Variants in CDH13 observed in about 807,000 individuals in gnomAD.
The protein encoded by CDH13 is cadherin-13.
CDH13 carries 24 observed loss-of-function variants against 63.8 expected under a neutral mutation model. That is an observed-to-expected ratio of 0.38 (90% CI 0.27 to 0.53). The LOEUF is 0.53. Ranked by LOEUF, CDH13 falls within the 20% of genes least tolerant of loss-of-function variation. The pLI, the probability that CDH13 is intolerant of heterozygous loss-of-function variation, is 0.85. For synonymous variants in CDH13, 503 were observed against 355.3 expected, an observed-to-expected ratio of 1.42 and a Z score of -4.67; for missense variants, 1,049 against 903.1, an observed-to-expected ratio of 1.16 and a Z score of -2.07.
chr16:83,031,519 G>T lies in CDH13; in HGVS notation c.158-491G>T, dbSNP rs186360429. On this transcript the variant is annotated intron_variant, in intron 2 of 13. Coordinates refer to ENST00000567109, the MANE Select transcript of CDH13 (RefSeq NM_001257.5). ...AATTCTCATTCCCTGAATCTGTTTT[G>T]CTATTTAGCCCTCATCCCTGTGCCT... 4.6e-5 allele frequency among the ~76,000 whole-genome samples: 7 copies of T among 151,234 alleles called. No homozygotes were observed. In the East Asian group the frequency reaches 1.4e-3, roughly 30 times the overall value.
In CDH13 at chr16:83,484,660, C is replaced by T. The variant is rs189158363; in HGVS notation, c.782-1817C>T. ...CGATGACCATGCCAAATCCCAATCC[C>T]CTCTCTTCTTCTCCAGATTTAACCA... is the stretch of plus-strand genomic sequence containing the variant. On this transcript the variant is annotated intron_variant, in intron 6 of 13. Transcript: ENST00000567109. 3.3e-5 allele frequency among the ~76,000 whole-genome samples: 5 copies of T among 152,284 alleles called. No individual in the cohort carries two copies. In the East Asian group the frequency reaches 9.7e-4, roughly 29 times the overall value.
intron 1 of CDH13, among the ~76,000 whole-genome samples, chr16:82,712,907 G>T (rs2032062891): frequency 6.6e-6 from 1 of 152,090 alleles, no homozygotes; most frequent in African/African-American, 2.4e-5. Flanking sequence ...ATGTGGATCA[G>T]TGATTACTTG....
intron 3 of CDH13, among the ~76,000 whole-genome samples, chr16:83,067,914 G>A (rs1190245333): frequency 1.3e-5 from 2 of 152,048 alleles, no homozygotes; most frequent in Non-Finnish European, 2.9e-5. Context: ...CAAAAAGTTT[G>A]AAGGAGGACC....
intron 8 of CDH13, chr16:83,654,826 C>G (rs554228851): frequency 3.9e-5 from 6 of 152,338 alleles, no homozygotes; most frequent in Non-Finnish European, 7.3e-5. Flanking sequence ...CCCACCAACC[C>G]TATGACTCTG....
At chr16:83,037,602 C>T (rs992963287) in intron 3 of CDH13, among the ~76,000 whole-genome samples, 2 of 152,076 alleles carry the variant, frequency 1.3e-5, no homozygotes, top group Non-Finnish European at 2.9e-5. Flanking sequence ...TAGGGAAAGA[C>T]GTCTAGTCAG....
rs1226247689 is a variant in CDH13 at position 83,796,138 on chromosome 16, T to C, written c.*1108T>C. ...ACCCGAAAATAAAAGACGTTCATTA[T>C]GTATGAAAAGTAACTGATTTGTATT... is the stretch of plus-strand genomic sequence containing the variant. On this transcript the variant is annotated 3_prime_UTR_variant, in exon 14 of 14. Transcript: ENST00000567109. 2.0e-5 allele frequency: 3 copies of C among 152,678 alleles called. No individual in the cohort carries two copies. The highest frequency in any genetic ancestry group is 2.1e-4 in the South Asian group (1 of 4,838). 9.5% of individuals were successfully genotyped at this position (152,678 alleles called of 1,614,324 possible).
chr16:83,096,238 G>C lies in CDH13; in HGVS notation c.367-29147G>C, dbSNP rs114185682. On this transcript the variant is annotated intron_variant, in intron 3 of 13. Transcript: ENST00000567109. ...GTAAAAGTTAATCATCAGGTCTCAG[G>C]AGTTCAGCAACCGACCATCATGAGC... Among the ~76,000 whole-genome samples the C allele has an allele frequency of 3.5e-3, 529 of 152,268 alleles. 6 individuals carry two copies. The highest frequency in any genetic ancestry group is 0.012 in the African/African-American group (496 of 41,558).
chr16:83,471,356 C>A (rs2073448252), intron 6 of CDH13, among the ~76,000 whole-genome samples: 1 of 146,052 alleles, frequency 6.8e-6, no homozygotes, highest in East Asian at 2.1e-4. Flanking sequence ...CTCACTGCAA[C>A]CTCCACCCTC....
intron 3 of CDH13, among the ~76,000 whole-genome samples, chr16:83,074,889 C>T (rs1439732285): frequency 6.6e-6 from 1 of 152,102 alleles, no homozygotes; most frequent in Non-Finnish European, 1.5e-5. Context: ...AGACAAACAG[C>T]AAAAAAGAGA....
chr16:83,146,702 A>C (rs2036765523), intron 4 of CDH13, among the ~76,000 whole-genome samples: 4 of 152,230 alleles, frequency 2.6e-5, no homozygotes, highest in Admixed American at 2.0e-4. Flanking sequence ...AATACCAATA[A>C]TTCAAGCACA....
intron 1 of CDH13, among the ~76,000 whole-genome samples, chr16:82,816,809 GCGGGGGGT>G (rs2037737926): frequency 8.6e-6 from 1 of 116,528 alleles, no homozygotes; most frequent in African/African-American, 3.5e-5. Flanking sequence ...ACTTCGGGGG[GCGGGGGGT>G]GGGGGGGAAT....
chr16:83,004,575 GC>G (rs1408606559), intron 2 of CDH13, among the ~76,000 whole-genome samples: 1 of 152,052 alleles, frequency 6.6e-6, no homozygotes, highest in Non-Finnish European at 1.5e-5. Flanking sequence ...TGTGCTCACT[GC>G]AACGTGTGCC....
intron 2 of CDH13, among the ~76,000 whole-genome samples, chr16:82,971,263 C>T (rs1303896400): frequency 2.0e-5 from 3 of 152,296 alleles, no homozygotes; most frequent in South Asian, 4.1e-4. Flanking sequence ...TGATAACAGC[C>T]GTTTTGTTGG....
intron 7 of CDH13, among the ~76,000 whole-genome samples, chr16:83,567,230 A>G (rs533586609): frequency 1.4e-4 from 21 of 152,280 alleles, no homozygotes; most frequent in African/African-American, 4.8e-4. Context: ...CTCTAAAACC[A>G]TTGACTTCTT....
chr16:83,570,946 C>CATATAT lies in CDH13; in HGVS notation c.961-31488_961-31483dup, dbSNP rs57586630. On this transcript the variant is annotated intron_variant, in intron 7 of 13. Coordinates refer to ENST00000567109, the MANE Select transcript of CDH13 (RefSeq NM_001257.5). ...TACATTCATATATTTATAACTCATC[C>CATATAT]ATATATATATATATATATATATATA... Among the ~76,000 whole-genome samples, 219 of 110,058 alleles carry CATATAT rather than the reference C, an allele frequency of 2.0e-3. 2 individuals carry two copies. The highest frequency in any genetic ancestry group is 4.7e-3 in the Middle Eastern group (1 of 212). 72.2% of individuals were successfully genotyped at this position (110,058 alleles called of 152,430 possible).
chr16:83,583,692 G>A (rs982822067), intron 7 of CDH13, among the ~76,000 whole-genome samples: 1 of 151,086 alleles, frequency 6.6e-6, no homozygotes, highest in Non-Finnish European at 1.5e-5. Flanking sequence ...CAGATCACCT[G>A]AGGTCAGGAG....
intron 4 of CDH13, among the ~76,000 whole-genome samples, chr16:83,126,711 G>A (rs987452269): frequency 3.9e-5 from 6 of 152,194 alleles, no homozygotes; most frequent in Non-Finnish European, 8.8e-5. Context: ...AGACATTGGT[G>A]AGCCTGGAAT....
At chr16:83,163,425 T>C (rs764769395) in intron 4 of CDH13, among the ~76,000 whole-genome samples, 2 of 152,058 alleles carry the variant, frequency 1.3e-5, no homozygotes, top group Admixed American at 1.3e-4. Context: ...ACAATGGCTA[T>C]AATTGTGAAC....
intron 11 of CDH13, among the ~76,000 whole-genome samples, chr16:83,753,054 G>A (rs1913217380): frequency 6.6e-6 from 1 of 152,174 alleles, no homozygotes. Context: ...TAGAAACCAG[G>A]TTGGCATTAA....
Sources: allele counts gnomAD v4.1 joint callset (sites outside exome capture counted in the v4.1 genomes callset), GRCh38; gene constraint gnomAD v4.1.1; transcripts MANE v1.5; gene names NCBI Gene and HGNC (gene_info 2026-07-23, HGNC 2026-07-21).